Variants in LIMK2 observed in about 807,000 individuals in gnomAD.
LIMK2 encodes LIM domain kinase 2.
A neutral mutation model predicts 75.7 loss-of-function variants in LIMK2; 35 were observed. The observed-to-expected ratio is 0.46, with a 90% CI of 0.35 to 0.61. The LOEUF is 0.61. Ranked by LOEUF, LIMK2 falls within the 20% of genes least tolerant of loss-of-function variation. The pLI is 0.00. For synonymous variants in LIMK2, 301 were observed against 319.2 expected, an observed-to-expected ratio of 0.94 and a Z score of 0.61; for missense variants, 623 against 831.0, an observed-to-expected ratio of 0.75 and a Z score of 3.08.
At chr22:31,269,819 G>A (rs957040923) in intron 11 of LIMK2, among the ~76,000 whole-genome samples, 10 of 151,934 alleles carry the variant, frequency 6.6e-5, no homozygotes, top group Non-Finnish European at 1.5e-4. Context: ...ACATTGGGGT[G>A]GAATGCGGAG....
chr22:31,254,968 A>AAG (rs2048763165), intron 2 of LIMK2, among the ~76,000 whole-genome samples: 1 of 152,068 alleles, frequency 6.6e-6, no homozygotes, highest in South Asian at 2.1e-4. Flanking sequence ...TCAAAAAAAA[A>AAG]AAGAAAAAAG....
rs529919320 is a variant in LIMK2 at position 31,257,040 on chromosome 22, A to ATTTTTTTTTTTTTTTTTTTTTT, written c.117-1238_117-1217dup. Among the ~76,000 whole-genome samples the ATTTTTTTTTTTTTTTTTTTTTT allele has an allele frequency of 8.0e-5, 6 of 75,050 alleles. 1 individual carries two copies. Among genetic ancestry groups the ATTTTTTTTTTTTTTTTTTTTTT allele is most frequent in the Admixed American group, 1.6e-4 (1 of 6,300 alleles). 49.2% of individuals were successfully genotyped at this position (75,050 alleles called of 152,430 possible). A position where few individuals can be genotyped will look rare whatever the true frequency, so the allele number is the denominator to read the frequency against. On this transcript the variant is annotated intron_variant, in intron 2 of 15. Transcript: ENST00000331728. ...TCATTAGGGGAGAAGGGAGCTATAG[A>ATTTTTTTTTTTTTTTTTTTTTT]TTTTTTTTTTTTTTTTTTTTTTTTT...
intron 2 of LIMK2, 85 bp from the exon 3 acceptor site, chr22:31,258,206 G>T: frequency 7.1e-7 from 1 of 1,406,298 alleles, no homozygotes. Context: ...TGTCCATTTT[G>T]TTGTCATACC....
chr22:31,232,027 G>A (rs1487611181), intron 2 of LIMK2, among the ~76,000 whole-genome samples: 1 of 151,776 alleles, frequency 6.6e-6, no homozygotes, highest in Non-Finnish European at 1.5e-5. Context: ...ATACTATGTT[G>A]CCCAGGCTGG....
chr22:31,269,545 G>A (rs1312177071), intron 11 of LIMK2, among the ~76,000 whole-genome samples: 1 of 151,788 alleles, frequency 6.6e-6, no homozygotes, highest in Non-Finnish European at 1.5e-5. Flanking sequence ...GAGGTGAGTG[G>A]ATCACTTGAG....
rs2049057033 is a variant in LIMK2, at chr22:31,278,699, TG to T, written c.*260del. ...AAGCTGTGAAGAAGAAAAAAACCCCTGGCCTTTGGGCCAGGAGGAATCTGTT... is the reference window on the plus strand; with the variant it reads ...AAGCTGTGAAGAAGAAAAAAACCCCTGCCTTTGGGCCAGGAGGAATCTGTT... On this transcript the variant is annotated 3_prime_UTR_variant, in exon 16 of 16. Coordinates refer to ENST00000331728, the MANE Select transcript of LIMK2 (RefSeq NM_005569.4). 3 of 318,278 alleles carry T rather than the reference TG, an allele frequency of 9.4e-6. No homozygotes were observed. The highest frequency in any genetic ancestry group is 6.4e-5 in the African/African-American group (3 of 46,754). 19.7% of individuals were successfully genotyped at this position (318,278 alleles called of 1,614,324 possible). A position where few individuals can be genotyped will look rare whatever the true frequency, so the allele number is the denominator to read the frequency against.
intron 2 of LIMK2, among the ~76,000 whole-genome samples, chr22:31,254,402 G>A (rs1167074036): frequency 6.6e-6 from 1 of 152,136 alleles, no homozygotes; most frequent in Non-Finnish European, 1.5e-5. Flanking sequence ...CCCCTACCTG[G>A]GCTACTGGTT....
In LIMK2 at chr22:31,260,051, C is replaced by T. The variant is rs1255779175; in HGVS notation, c.525C>T (p.Asn175=). The T allele has an allele frequency of 1.3e-6, 2 of 1,597,654 alleles. No individual in the cohort carries two copies. Among genetic ancestry groups the T allele is most frequent in the Admixed American group, 3.6e-5 (2 of 55,360 alleles). Residue 175 remains asparagine, a synonymous_variant, in exon 5 of 16, where the codon AAC becomes AAT. Transcript: ENST00000331728. ...FSVSVESACS[N]YATTVQVKEV... is the part of the protein sequence containing the mutation. ...TGTCCGTGGAGAGTGCCTGCTCCAA[C>T]TACGCCACCACTGTGCAAGTGAAAG...
chr22:31,230,300 A>T (rs769636237), intron 2 of LIMK2: 1 of 152,084 alleles, frequency 6.6e-6, no homozygotes, highest in Non-Finnish European at 1.5e-5. Flanking sequence ...AGGAGAGGCC[A>T]GGAGAGTAGC....
chr22:31,222,750 A>G (rs1009120955), intron 1 of LIMK2: 1 of 152,072 alleles, frequency 6.6e-6, no homozygotes, highest in Non-Finnish European at 1.5e-5. Context: ...ACTAAATTAG[A>G]TTTTAAAACT....
intron 2 of LIMK2, chr22:31,248,815 G>T: frequency 6.3e-7 from 1 of 1,596,578 alleles, no homozygotes. Flanking sequence ...CTGGCCCCTG[G>T]TCCTGAGAGG....
Position 31,259,920 on chromosome 22 carries a change from C to T in LIMK2, c.394C>T (p.Pro132Ser), listed in dbSNP as rs2048820894. The T allele has an allele frequency of 6.2e-7, 1 of 1,609,636 alleles. No homozygotes were observed. The highest frequency in any genetic ancestry group is 8.5e-7 in the Non-Finnish European group (1 of 1,178,816). ...GKCHNEVVLA[P>S]MFERLSTESV... ...GTGCCACAATGAGGTGGTGCTGGCA[C>T]CCATGTTTGAGAGACTCTCCACAGA... The change falls in exon 5 of 16, where the codon CCC becomes TCC. Residue 132 changes from proline (P) to serine (S), a missense_variant. By Grantham distance (74) the Pro-to-Ser change is moderately conservative (BLOSUM62 -1). This residue lies in a region of LIMK2 where 514 missense variants were observed against 661.3 expected (regional missense o/e 0.78). Coordinates refer to ENST00000331728, the MANE Select transcript of LIMK2 (RefSeq NM_005569.4).
rs12627909 is a variant in LIMK2, at chr22:31,226,853, G to A, written c.116+1034G>A. ...TCAAACTCCTGACCTCAGGTGATCC[G>A]CCTGCCTCGGCCTCCCAAAATGTTG... On this transcript the variant is annotated intron_variant, in intron 2 of 15. Coordinates refer to ENST00000331728, the MANE Select transcript of LIMK2 (RefSeq NM_005569.4). 2.8e-4 allele frequency among the ~76,000 whole-genome samples: 41 copies of A among 144,530 alleles called. 1 individual carries two copies. The East Asian group carries it at 5.9e-3, about 21-fold the overall frequency. The allele number at this position is 144,530 out of a possible 152,430, so 94.8% of individuals were successfully genotyped here. A position where few individuals can be genotyped will look rare whatever the true frequency, so the allele number is the denominator to read the frequency against.
intron 1 of LIMK2, among the ~76,000 whole-genome samples, chr22:31,219,081 T>C (rs1047472250): frequency 6.6e-6 from 1 of 152,206 alleles, no homozygotes; most frequent in African/African-American, 2.4e-5. Context: ...TTCCACTGAA[T>C]AGCTGTGTGT....
intron 5 of LIMK2, among the ~76,000 whole-genome samples, chr22:31,260,412 A>C (rs1273918244): frequency 6.6e-6 from 1 of 152,216 alleles, no homozygotes; most frequent in African/African-American, 2.4e-5. Context: ...TTCCAGAAGA[A>C]ACTTGCTGTC....
intron 2 of LIMK2, among the ~76,000 whole-genome samples, chr22:31,255,228 C>G (rs544970515): frequency 6.6e-6 from 1 of 152,254 alleles, no homozygotes; most frequent in East Asian, 1.9e-4. Context: ...ATTTAGCACC[C>G]AAGAACTTGA....
intron 7 of LIMK2, among the ~76,000 whole-genome samples, chr22:31,263,792 G>C (rs947409579): frequency 2.0e-5 from 3 of 152,226 alleles, no homozygotes; most frequent in African/African-American, 7.2e-5. Flanking sequence ...GAGGCCAGGA[G>C]TTCAGGAGCA....
intron 1 of LIMK2, among the ~76,000 whole-genome samples, chr22:31,216,465 T>C (rs1027867132): frequency 1.3e-5 from 2 of 151,950 alleles, no homozygotes; most frequent in African/African-American, 4.8e-5. Flanking sequence ...TAGTCTACAG[T>C]AGGCACCGTA....
intron 2 of LIMK2, among the ~76,000 whole-genome samples, chr22:31,240,894 A>G (rs752408455): frequency 5.3e-5 from 8 of 152,244 alleles, no homozygotes; most frequent in Non-Finnish European, 8.8e-5. Context: ...TTATTAAGCT[A>G]CGTTCAGGAT....
Sources: allele counts gnomAD v4.1 joint callset (sites outside exome capture counted in the v4.1 genomes callset), GRCh38; gene constraint gnomAD v4.1.1; regional missense constraint gnomAD v4.1.1; transcripts MANE v1.5; gene names NCBI Gene and HGNC (gene_info 2026-07-23, HGNC 2026-07-21).